The following THSD4 variants were observed in gnomAD, a reference collection of about 807,000 sequenced individuals.
THSD4 encodes thrombospondin type 1 domain containing 4.
In THSD4, 69 loss-of-function variants were observed where a neutral mutation model predicts 119.0. That is an observed-to-expected ratio of 0.58 (90% CI 0.48 to 0.71). THSD4 has a LOEUF of 0.71. Ranked by LOEUF, THSD4 falls within the 30% of genes least tolerant of loss-of-function variation. The pLI, the probability that THSD4 is intolerant of heterozygous loss-of-function variation, is 0.00. For synonymous variants in THSD4, 524 were observed against 540.4 expected (o/e 0.97, Z 0.42); for missense variants, 1,393 against 1,391.1 (o/e 1.00, Z -0.02).
At chr15:71,566,732 G>GC (rs1187679113) in intron 7 of THSD4, among the ~76,000 whole-genome samples, 4 of 151,132 alleles carry the variant, frequency 2.6e-5, no homozygotes, top group African/African-American at 7.3e-5. Context: ...TTATCCCAGG[G>GC]CCCCCCCTCT....
rs868083559 is a variant in THSD4 at position 71,545,086 on chromosome 15, G to A, written c.1153-115444G>A. ...TGGAAAAGTTCTAGAAATGAATAGT[G>A]GTGATGGCTGCACAACATTGTGAAT... is the stretch of plus-strand genomic sequence containing the variant. On this transcript the variant is annotated intron_variant, in intron 7 of 17. Coordinates refer to ENST00000261862, the MANE Select transcript of THSD4 (RefSeq NM_024817.3). Among the ~76,000 whole-genome samples, 3 of 152,140 alleles carry A rather than the reference G, an allele frequency of 2.0e-5. No homozygotes were observed. The East Asian group carries it at 5.8e-4, about 29-fold the overall frequency.
Position 71,442,658 on chromosome 15 carries a change from G to GTGTGTGTGTATGTATGTA in THSD4, c.1152+30838_1152+30839insGTGTGTATGTATGTATGT, listed in dbSNP as rs1403001889. On this transcript the variant is annotated intron_variant, in intron 7 of 17. Transcript: ENST00000261862. Reference sequence around the variant, plus strand: ...TGTGTGTGTATATGTGTGTGTGTGTGTGTATATATATATATATATATATAT... The same window carrying GTGTGTGTGTATGTATGTA: ...TGTGTGTGTATATGTGTGTGTGTGTGTGTGTGTGTATGTATGTATGTATATATATATATATATATATAT... Among the ~76,000 whole-genome samples the GTGTGTGTGTATGTATGTA allele has an allele frequency of 2.0e-3, 63 of 31,314 alleles. 2 individuals carry two copies. The highest frequency in any genetic ancestry group is 2.5e-3 in the Non-Finnish European group (36 of 14,488). The allele number at this position is 31,314 out of a possible 152,430, so 20.5% of individuals were successfully genotyped here. A position where few individuals can be genotyped will look rare whatever the true frequency, so the allele number is the denominator to read the frequency against.
intron 7 of THSD4, among the ~76,000 whole-genome samples, chr15:71,446,954 C>G (rs999478593): frequency 1.3e-5 from 2 of 151,972 alleles, no homozygotes; most frequent in African/African-American, 4.8e-5. Flanking sequence ...TCATCTGTAG[C>G]CTGTCACTGG....
chr15:71,610,092 T>C (rs925287283), intron 7 of THSD4, among the ~76,000 whole-genome samples: 4 of 152,214 alleles, frequency 2.6e-5, no homozygotes, highest in African/African-American at 9.6e-5. Context: ...GTACATCCAG[T>C]CATGCACAGT....
intron 6 of THSD4, among the ~76,000 whole-genome samples, chr15:71,311,457 A>G (rs1037326255): frequency 4.6e-5 from 7 of 152,204 alleles, no homozygotes; most frequent in Admixed American, 4.6e-4. Flanking sequence ...CCATTTGAAC[A>G]GCTTTTAGAA....
chr15:71,662,181 T>G lies in THSD4; in HGVS notation c.1357+1447T>G, dbSNP rs542553711. ...TTCAAATATCAGGATCACCCACAAG[T>G]TAACTCCAGACTCGGGAACTCCATA... On this transcript the variant is annotated intron_variant, in intron 8 of 17. Coordinates refer to ENST00000261862, the MANE Select transcript of THSD4 (RefSeq NM_024817.3). Among the ~76,000 whole-genome samples, 9 of 152,274 alleles carry G rather than the reference T, an allele frequency of 5.9e-5. No individual in the cohort carries two copies. The South Asian group carries it at 1.9e-3, about 32-fold the overall frequency.
chr15:71,136,832 CAG>C (rs1435894438), intron 1 of THSD4, among the ~76,000 whole-genome samples: 1 of 152,098 alleles, frequency 6.6e-6, no homozygotes, highest in Non-Finnish European at 1.5e-5. Context: ...GAAGGATACT[CAG>C]AGGTGGGCCT....
At chr15:71,533,271 A>C (rs895879864) in intron 7 of THSD4, among the ~76,000 whole-genome samples, 3 of 152,182 alleles carry the variant, frequency 2.0e-5, no homozygotes, top group Admixed American at 6.5e-5. Flanking sequence ...AGTGGGAGAA[A>C]ATAAAAATCA....
rs192773699 is a variant in THSD4, at chr15:71,291,380, G to T, written c.1015+34665G>T. The stretch of plus-strand genomic sequence containing the variant: ...AGTTAGGGAGGCTGAGAAGTCCCAA[G>T]ATCTACATTTGGCAAGTTGGAGACC... On this transcript the variant is annotated intron_variant, in intron 6 of 17. Transcript: ENST00000261862. Among the ~76,000 whole-genome samples the T allele has an allele frequency of 1.1e-4, 16 of 152,276 alleles. No homozygotes were observed. In the East Asian group the frequency reaches 2.5e-3, roughly 24 times the overall value.
At chr15:71,381,539 A>G (rs1318241197) in intron 6 of THSD4, among the ~76,000 whole-genome samples, 1 of 152,238 alleles carries the variant, frequency 6.6e-6, no homozygotes, top group East Asian at 1.9e-4. Flanking sequence ...TAAGGTTGTC[A>G]GAAACCTGTA....
intron 8 of THSD4, among the ~76,000 whole-genome samples, chr15:71,724,807 G>A (rs899847310): frequency 1.3e-5 from 2 of 151,816 alleles, no homozygotes; most frequent in African/African-American, 4.8e-5. Context: ...TTGATGACGG[G>A]TTAGATTTGG....
At chr15:71,396,640 C>A (rs4531689) in intron 6 of THSD4, among the ~76,000 whole-genome samples, 1 of 152,014 alleles carries the variant, frequency 6.6e-6, no homozygotes, top group African/African-American at 2.4e-5. Flanking sequence ...TGTAAAACAC[C>A]GGCCATGACC....
At chr15:71,748,703 TG>T (rs1015626117) in intron 14 of THSD4, 109 bp downstream of exon 14, 17 of 1,374,704 alleles carry the variant, frequency 1.2e-5, no homozygotes, top group Admixed American at 2.5e-5. Context: ...TTTCTGGCTC[TG>T]GGGGGAAAAA....
At chr15:71,516,174 G>C (rs191564547) in intron 7 of THSD4, among the ~76,000 whole-genome samples, 26 of 152,274 alleles carry the variant, frequency 1.7e-4, no homozygotes, top group Admixed American at 1.7e-3. Flanking sequence ...GAAGAGGAGA[G>C]GAAGCTAATG....
At chr15:71,461,747 G>A (rs1425986312) in intron 7 of THSD4, among the ~76,000 whole-genome samples, 1 of 150,794 alleles carries the variant, frequency 6.6e-6, no homozygotes, top group Admixed American at 6.6e-5. Context: ...TAATTTCCAA[G>A]TAGGATTTTC....
chr15:71,471,901 C>T (rs540502960), intron 7 of THSD4, among the ~76,000 whole-genome samples: 1 of 152,118 alleles, frequency 6.6e-6, no homozygotes, highest in Admixed American at 6.5e-5. Context: ...ACCATGTGAG[C>T]TTAAGTACAT....
intron 8 of THSD4, among the ~76,000 whole-genome samples, chr15:71,683,863 T>C (rs1215025554): frequency 1.3e-5 from 2 of 152,108 alleles, no homozygotes; most frequent in Non-Finnish European, 2.9e-5. Flanking sequence ...TAGTCCCAGC[T>C]ACTCAGGAGG....
intron 3 of THSD4, among the ~76,000 whole-genome samples, chr15:71,160,242 T>C (rs975101322): frequency 1.3e-5 from 2 of 151,568 alleles, no homozygotes; most frequent in Non-Finnish European, 3.0e-5. Context: ...AATTTTTGCA[T>C]CTATGTTCAT....
intron 7 of THSD4, among the ~76,000 whole-genome samples, chr15:71,573,730 G>A (rs1473058147): frequency 6.6e-6 from 1 of 152,188 alleles, no homozygotes; most frequent in Non-Finnish European, 1.5e-5. Context: ...GGTAGGTTAT[G>A]AATCAACTGT....
Sources: gnomAD v4.1 joint callset for allele counts (sites outside exome capture counted in the v4.1 genomes callset) on GRCh38, gnomAD v4.1.1 for gene constraint, MANE v1.5 for transcripts, NCBI Gene and HGNC (gene_info 2026-07-23, HGNC 2026-07-21) for gene names.